Variants in ARHGAP1 observed in about 807,000 individuals in gnomAD.
ARHGAP1 encodes the protein Rho GTPase activating protein 1, also known as rho GTPase-activating protein 1.
A neutral mutation model predicts 52.2 loss-of-function variants in ARHGAP1; 23 were observed. That is an observed-to-expected ratio of 0.44 (90% CI 0.32 to 0.62). The LOEUF (loss-of-function observed/expected upper bound fraction) is 0.62. Ranked by LOEUF, ARHGAP1 falls within the 20% of genes least tolerant of loss-of-function variation. The pLI is 0.05. For missense variants in ARHGAP1, 480 were observed against 560.9 expected, an observed-to-expected ratio of 0.86 and a Z score of 1.46; for synonymous variants, 210 against 228.4, an observed-to-expected ratio of 0.92 and a Z score of 0.73.
intron 4 of ARHGAP1, chr11:46,687,884 G>A (rs1050495514): frequency 8.3e-6 from 3 of 359,568 alleles, no homozygotes; most frequent in African/African-American, 4.1e-5. Flanking sequence ...TGTGCTGTTT[G>A]TCACTCCTAC....
intron 4 of ARHGAP1, among the ~76,000 whole-genome samples, chr11:46,685,614 C>T (rs955249590): frequency 1.3e-5 from 2 of 151,436 alleles, no homozygotes; most frequent in East Asian, 1.9e-4. Context: ...CGTGAGCCAC[C>T]GCGCCAGGTC....
In ARHGAP1 at chr11:46,681,014, A is replaced by G; in HGVS notation, c.632T>C (p.Leu211Pro). ...CCAGCCGCCGCACCCGCCTCACTTG[A>G]GCACTTGGCGAGGGATCCCCAGCTG... ...LEQLGIPRQVLKYDDFLKSTQ... is the reference protein window; with the variant it reads ...LEQLGIPRQVPKYDDFLKSTQ... Residue 211 changes from leucine to proline, a missense_variant, in exon 7 of 13, where the codon CTC becomes CCC. Transcript: ENST00000311956. The surrounding 1 kb of genome is among the most constrained non-coding windows in gnomAD (Gnocchi z 5.7). 1 of 1,613,916 alleles carries G rather than the reference A, an allele frequency of 6.2e-7. No individual in the cohort carries two copies. Among genetic ancestry groups the G allele is most frequent in the Non-Finnish European group, 8.5e-7 (1 of 1,179,954 alleles).
Position 46,678,998 on chromosome 11 carries a change from G to C in ARHGAP1, c.*39C>G. 6.2e-7 allele frequency: 1 copy of C among 1,607,020 alleles called. No homozygotes were observed. The highest frequency in any genetic ancestry group is 8.5e-7 in the Non-Finnish European group (1 of 1,175,094). On this transcript the variant is annotated 3_prime_UTR_variant, in exon 13 of 13. Transcript: ENST00000311956. Reference sequence around the variant, plus strand: ...ATGCCAGGAGGAAGAGTCCAAACCCGGGCTACCAGAGAAGGGGCTGGTGGG... The same window carrying C: ...ATGCCAGGAGGAAGAGTCCAAACCCCGGCTACCAGAGAAGGGGCTGGTGGG...
Position 46,681,654 on chromosome 11 carries a change from G to T in ARHGAP1, c.450-275C>A, listed in dbSNP as rs1455108879. 1.2e-5 allele frequency: 5 copies of T among 420,838 alleles called. No individual in the cohort carries two copies. Among genetic ancestry groups the T allele is most frequent in the Non-Finnish European group, 2.2e-5 (5 of 226,904 alleles). 26.1% of individuals were successfully genotyped at this position (420,838 alleles called of 1,614,324 possible). A position where few individuals can be genotyped will look rare whatever the true frequency, so the allele number is the denominator to read the frequency against. ...TCACCATGTTGGCCAGGCTGGTCTGGAACTCCTGACCTCAAGTGATCCATC... is the reference window on the plus strand; with the variant it reads ...TCACCATGTTGGCCAGGCTGGTCTGTAACTCCTGACCTCAAGTGATCCATC... On this transcript the variant is annotated intron_variant, in intron 5 of 12. Coordinates refer to ENST00000311956, the MANE Select transcript of ARHGAP1 (RefSeq NM_004308.5). This position sits in a 1 kb window ranked among gnomAD's most constrained non-coding sequence, Gnocchi z 5.7.
At chr11:46,694,660 C>T (rs2064639082) in intron 3 of ARHGAP1, among the ~76,000 whole-genome samples, 1 of 152,202 alleles carries the variant, frequency 6.6e-6, no homozygotes, top group Non-Finnish European at 1.5e-5. Context: ...GGTGACTTTC[C>T]CGTGCCCAAT....
In ARHGAP1 at chr11:46,677,601, A is replaced by AT; in HGVS notation, c.*1435dup. 9.4e-6 allele frequency: 2 copies of AT among 212,630 alleles called. No individual in the cohort carries two copies. Among genetic ancestry groups the AT allele is most frequent in the South Asian group, 1.1e-4 (2 of 18,728 alleles). 13.2% of individuals were successfully genotyped at this position (212,630 alleles called of 1,614,324 possible). On this transcript the variant is annotated 3_prime_UTR_variant, in exon 13 of 13. Transcript: ENST00000311956. ...AGAGGGATCCCCAGGAAGGAGTGTAATTCTACGAGACAGTGGGAGTGAGAT... is the reference window on the plus strand; with the variant it reads ...AGAGGGATCCCCAGGAAGGAGTGTAATTTCTACGAGACAGTGGGAGTGAGAT...
Position 46,680,175 on chromosome 11 carries a change from A to G in ARHGAP1, c.898+30T>C, listed in dbSNP as rs1168295875. 2 of 1,607,490 alleles carry G rather than the reference A, an allele frequency of 1.2e-6. No individual in the cohort carries two copies. The highest frequency in any genetic ancestry group is 8.5e-7 in the Non-Finnish European group (1 of 1,174,196). ...GAAGCCCCCTACCAGTAACACACATATGGCCCTGCAACAGCCCAGGGCTGC... is the reference window on the plus strand; with the variant it reads ...GAAGCCCCCTACCAGTAACACACATGTGGCCCTGCAACAGCCCAGGGCTGC... On this transcript the variant is annotated intron_variant, in intron 10 of 12. Coordinates refer to ENST00000311956, the MANE Select transcript of ARHGAP1 (RefSeq NM_004308.5). This position sits in a 1 kb window ranked among gnomAD's most constrained non-coding sequence, Gnocchi z 5.9.
chr11:46,693,329 CCCCT>C, intron 3 of ARHGAP1, among the ~76,000 whole-genome samples: 1 of 152,096 alleles, frequency 6.6e-6, no homozygotes, highest in Non-Finnish European at 1.5e-5. Context: ...AAAGAGATCC[CCCCT>C]ATCCTGGGGA....
chr11:46,685,475 A>G (rs1331319337), intron 4 of ARHGAP1, among the ~76,000 whole-genome samples: 2 of 151,490 alleles, frequency 1.3e-5, no homozygotes, highest in Non-Finnish European at 2.9e-5. Flanking sequence ...TTACAGGCGC[A>G]TGCCACTACA....
intron 4 of ARHGAP1, 30 bp from the exon 5 acceptor site, chr11:46,682,212 C>T (rs2064534451): frequency 6.2e-7 from 1 of 1,612,020 alleles, no homozygotes; most frequent in Non-Finnish European, 8.5e-7. Flanking sequence ...CTCAGGCCTG[C>T]CCTGTGCACA....
intron 4 of ARHGAP1, among the ~76,000 whole-genome samples, chr11:46,683,828 T>A (rs548043617): frequency 4.6e-5 from 7 of 152,184 alleles, no homozygotes; most frequent in African/African-American, 1.7e-4. Flanking sequence ...TCAGTAGAGA[T>A]GGGGTTTCTC....
rs771804827 is a variant in ARHGAP1 at position 46,680,478 on chromosome 11, G to C, written c.820+9C>G. Reference sequence around the variant, plus strand: ...ACCTGGCTGGTGAGGAGGCAGGCCCGGCACTCACCGTGGGCCTGTAAGTAG... The same window carrying C: ...ACCTGGCTGGTGAGGAGGCAGGCCCCGCACTCACCGTGGGCCTGTAAGTAG... On this transcript the variant is annotated intron_variant, in intron 9 of 12. Transcript: ENST00000311956. This position sits in a 1 kb window ranked among gnomAD's most constrained non-coding sequence, Gnocchi z 5.9. The C allele has an allele frequency of 1.2e-6, 2 of 1,613,312 alleles. No homozygotes were observed. The highest frequency in any genetic ancestry group is 1.7e-6 in the Non-Finnish European group (2 of 1,179,530).
intron 3 of ARHGAP1, among the ~76,000 whole-genome samples, chr11:46,690,251 G>C (rs1430078319): frequency 6.6e-6 from 1 of 152,050 alleles, no homozygotes; most frequent in Non-Finnish European, 1.5e-5. Flanking sequence ...GCCAGGTGTG[G>C]TGGCGGGCAC....
Position 46,681,584 on chromosome 11 carries a change from C to T in ARHGAP1, c.450-205G>A. 1 of 528,126 alleles carries T rather than the reference C, an allele frequency of 1.9e-6. No individual in the cohort carries two copies. The highest frequency in any genetic ancestry group is 3.4e-6 in the Non-Finnish European group (1 of 292,666). The allele number at this position is 528,126 out of a possible 1,614,324, so 32.7% of individuals were successfully genotyped here. ...GAGTAACTAGGATTACAGGCACCCA[C>T]CACCACACCTAGCTAATTTTTGTAT... On this transcript the variant is annotated intron_variant, in intron 5 of 12. Coordinates refer to ENST00000311956, the MANE Select transcript of ARHGAP1 (RefSeq NM_004308.5). The surrounding 1 kb of genome is among the most constrained non-coding windows in gnomAD (Gnocchi z 5.7).
rs375462264 is a variant in ARHGAP1 at position 46,679,194 on chromosome 11, G to C, written c.1163C>G (p.Thr388Ser). 1 of 1,610,864 alleles carries C rather than the reference G, an allele frequency of 6.2e-7. No individual in the cohort carries two copies. The highest frequency in any genetic ancestry group is 1.3e-5 in the African/African-American group (1 of 75,022). ...ISAHSDQNKM[T>S]NTNLAVVFGP... ...GAAAACAACAGCCAGGTTAGTGTTG[G>C]TCATCTTGTTCTGGTCACTGTGTGC... The change falls in exon 13 of 13, where the codon ACC becomes AGC. Residue 388 changes from threonine to serine, a missense_variant. Thr to Ser is a moderately conservative substitution (Grantham distance 58). Coordinates refer to ENST00000311956, the MANE Select transcript of ARHGAP1 (RefSeq NM_004308.5). This position sits in a 1 kb window ranked among gnomAD's most constrained non-coding sequence, Gnocchi z 4.4.
At chr11:46,685,486 C>T (rs891536618) in intron 4 of ARHGAP1, among the ~76,000 whole-genome samples, 1 of 151,810 alleles carries the variant, frequency 6.6e-6, no homozygotes, top group African/African-American at 2.4e-5. Flanking sequence ...TGCCACTACA[C>T]ATGGCTAATT....
chr11:46,679,573 C>A lies in ARHGAP1; in HGVS notation c.1027+75G>T, dbSNP rs553048352. On this transcript the variant is annotated intron_variant, in intron 11 of 12. Transcript: ENST00000311956. This position sits in a 1 kb window ranked among gnomAD's most constrained non-coding sequence, Gnocchi z 4.4. ...ACCCCCAGCAGTCTTCCCTGGGAGG[C>A]GCCTAGGCCCGAAAGCCTGCAGCGC... is the stretch of plus-strand genomic sequence containing the variant. The A allele has an allele frequency of 1.2e-5, 20 of 1,607,566 alleles. No individual in the cohort carries two copies. In the African/African-American group the frequency reaches 2.5e-4, roughly 20 times the overall value.
intron 1 of ARHGAP1, among the ~76,000 whole-genome samples, chr11:46,698,028 C>G (rs970654510): frequency 1.3e-5 from 2 of 152,198 alleles, no homozygotes; most frequent in African/African-American, 2.4e-5. Flanking sequence ...TTCTATTCAG[C>G]CTGTCACTGC....
In ARHGAP1 at chr11:46,680,131, C is replaced by T; in HGVS notation, c.898+74G>A. ...GAAGAGACTCTGAGACTCTCATTTA[C>T]AGGGCAGCAGAGGGCAGAGAAGCCC... On this transcript the variant is annotated intron_variant, in intron 10 of 12. Transcript: ENST00000311956. The surrounding 1 kb of genome is among the most constrained non-coding windows in gnomAD (Gnocchi z 5.9). The T allele has an allele frequency of 3.3e-6, 5 of 1,498,960 alleles. No individual in the cohort carries two copies. Among genetic ancestry groups the T allele is most frequent in the Non-Finnish European group, 4.6e-6 (5 of 1,077,660 alleles). 92.9% of individuals were successfully genotyped at this position (1,498,960 alleles called of 1,614,324 possible). A position where few individuals can be genotyped will look rare whatever the true frequency, so the allele number is the denominator to read the frequency against.
Sources: gnomAD v4.1 joint callset for allele counts (sites outside exome capture counted in the v4.1 genomes callset) on GRCh38, gnomAD v4.1.1 for gene constraint, Gnocchi (gnomAD v3.1) non-coding constraint, MANE v1.5 for transcripts, NCBI Gene and HGNC (gene_info 2026-07-23, HGNC 2026-07-21) for gene names.